Variants in ST3GAL4 observed in about 807,000 individuals in gnomAD.
ST3GAL4 encodes the protein CMP-N-acetylneuraminate-beta-galactosamide-alpha-2,3-sialyltransferase 4.
ST3GAL4 carries 24 observed loss-of-function variants against 42.6 expected under a neutral mutation model. The ratio of observed to expected loss-of-function variants is 0.56; its 90% CI spans 0.41 to 0.79. ST3GAL4 has a LOEUF of 0.79. Ranked by LOEUF, ST3GAL4 falls within the 30% of genes least tolerant of loss-of-function variation. ST3GAL4 has a pLI of 0.00. For synonymous variants in ST3GAL4, 135 were observed against 163.2 expected, an observed-to-expected ratio of 0.83 and a Z score of 1.32; for missense variants, 311 against 430.8, an observed-to-expected ratio of 0.72 and a Z score of 2.46.
Position 126,406,234 on chromosome 11 carries a change from G to A in ST3GAL4, c.16+63G>A. 6.4e-7 allele frequency: 1 copy of A among 1,551,694 alleles called. No individual in the cohort carries two copies. Among genetic ancestry groups the A allele is most frequent in the Non-Finnish European group, 8.7e-7 (1 of 1,147,798 alleles). On this transcript the variant is annotated intron_variant, in intron 2 of 10. Transcript: ENST00000444328. The surrounding 1 kb of genome is among the most constrained non-coding windows in gnomAD (Gnocchi z 5.4). ...AGGCCTCAGAAGCCGTCTTCAGCAG[G>A]ATCCTGGGACCTCTGGGGGCTGTGG...
Position 126,378,116 on chromosome 11 carries a change from T to C in ST3GAL4, c.-61+22274T>C, listed in dbSNP as rs1050364134. 2.6e-5 allele frequency among the ~76,000 whole-genome samples: 4 copies of C among 152,198 alleles called. No homozygotes were observed. Among genetic ancestry groups the C allele is most frequent in the Non-Finnish European group, 4.4e-5 (3 of 68,026 alleles). ...TGTATGGCAATTGAAGAGTCATATC[T>C]AGTCATTTTAGGTAGAAGATAGCCC... On this transcript the variant is annotated intron_variant, in intron 1 of 10. Coordinates refer to ENST00000444328, the MANE Select transcript of ST3GAL4 (RefSeq NM_001254757.2). The surrounding 1 kb of genome is among the most constrained non-coding windows in gnomAD (Gnocchi z 5.3).
Position 126,408,323 on chromosome 11 carries a change from G to T in ST3GAL4, c.454G>T (p.Val152Leu). 1 of 1,614,166 alleles carries T rather than the reference G, an allele frequency of 6.2e-7. No individual in the cohort carries two copies. Among genetic ancestry groups the T allele is most frequent in the Non-Finnish European group, 8.5e-7 (1 of 1,180,010 alleles). Residue 152 changes from valine (V) to leucine (L), a missense_variant, in exon 8 of 11, where the codon GTG becomes TTG. Coordinates refer to ENST00000444328, the MANE Select transcript of ST3GAL4 (RefSeq NM_001254757.2). ...AACCCCCAGATTGAACAATGCCCCA[G>T]TGGCTGGCTATGAGGGTGACGTGGG... ...DVVIRLNNAP[V>L]AGYEGDVGSK...
rs1954447973 is a variant in ST3GAL4 at position 126,410,010 on chromosome 11, C to A, written c.771+599C>A. ...CTCAAACTTCCAGGCTCAGGTGATC[C>A]TTCTGCCTCAGCCTCCTGAGTAGCT... On this transcript the variant is annotated intron_variant, in intron 9 of 10. Transcript: ENST00000444328. The surrounding 1 kb of genome is among the most constrained non-coding windows in gnomAD (Gnocchi z 5.3). Among the ~76,000 whole-genome samples the A allele has an allele frequency of 6.6e-6, 1 of 152,164 alleles. No individual in the cohort carries two copies. Among genetic ancestry groups the A allele is most frequent in the African/African-American group, 2.4e-5 (1 of 41,420 alleles).
intron 1 of ST3GAL4, among the ~76,000 whole-genome samples, chr11:126,369,632 G>T (rs1461916055): frequency 6.6e-6 from 1 of 152,114 alleles, no homozygotes; most frequent in African/African-American, 2.4e-5. Context: ...AGTGATGGTT[G>T]GTCCAGAATT....
Position 126,366,650 on chromosome 11 carries a change from ATGAGACTTCAGGTG to A in ST3GAL4, c.-61+10811_-61+10824del, listed in dbSNP as rs1281719893. Among the ~76,000 whole-genome samples the A allele has an allele frequency of 8.6e-5, 13 of 152,002 alleles. No individual in the cohort carries two copies. The highest frequency in any genetic ancestry group is 1.9e-4 in the Non-Finnish European group (13 of 68,008). On this transcript the variant is annotated intron_variant, in intron 1 of 10. Transcript: ENST00000444328. The surrounding 1 kb of genome is among the most constrained non-coding windows in gnomAD (Gnocchi z 4.2). ...GCCCCTTTAACCCTGCTGGCTCCTA[ATGAGACTTCAGGTG>A]TGGACCCTCGAACCCTCAGCTGCAC...
Position 126,413,991 on chromosome 11 carries a change from C to G in ST3GAL4, c.946C>G (p.Leu316Val). The G allele has an allele frequency of 6.2e-7, 1 of 1,614,252 alleles. No homozygotes were observed. The highest frequency in any genetic ancestry group is 1.1e-5 in the South Asian group (1 of 91,092). Reference sequence around the variant, plus strand: ...AGGCCATAATGTCTCCCAAGAGGCCCTGGCCATTAAGCGGATGCTGGAGAT... The same window carrying G: ...AGGCCATAATGTCTCCCAAGAGGCCGTGGCCATTAAGCGGATGCTGGAGAT... ...GSGHNVSQEALAIKRMLEMGA... is the reference protein window; with the variant it reads ...GSGHNVSQEAVAIKRMLEMGA... The change falls in exon 11 of 11, where the codon CTG (leucine) becomes GTG (valine). Residue 316 changes from leucine to valine, a missense_variant. Transcript: ENST00000444328.
At chr11:126,407,683 C>G in intron 6 of ST3GAL4, 49 bp downstream of exon 6, 1 of 1,587,590 alleles carries the variant, frequency 6.3e-7, no homozygotes, top group Non-Finnish European at 8.6e-7. Context: ...CTATTTCCTG[C>G]CCCCTGCCCG....
intron 1 of ST3GAL4, among the ~76,000 whole-genome samples, chr11:126,385,964 T>C (rs1256463377): frequency 1.3e-5 from 2 of 152,308 alleles, no homozygotes; most frequent in South Asian, 4.1e-4. Flanking sequence ...CTATACCACG[T>C]GTCCCCGTGG....
In ST3GAL4 at chr11:126,384,685, C is replaced by T. The variant is rs541296651; in HGVS notation, c.-60-21411C>T. 1 of 985,248 alleles carries T rather than the reference C, an allele frequency of 1.0e-6. No homozygotes were observed. The highest frequency in any genetic ancestry group is 1.1e-4 in the East Asian group (1 of 8,796). 61.0% of individuals were successfully genotyped at this position (985,248 alleles called of 1,614,324 possible). A position where few individuals can be genotyped will look rare whatever the true frequency, so the allele number is the denominator to read the frequency against. On this transcript the variant is annotated intron_variant, in intron 1 of 10. Coordinates refer to ENST00000444328, the MANE Select transcript of ST3GAL4 (RefSeq NM_001254757.2). This position sits in a 1 kb window ranked among gnomAD's most constrained non-coding sequence, Gnocchi z 5.5. ...AGATGGAGAGCCACCTCCCTAGGGGCCTCCTCCCCCTCCCCTTCTGCATGC... is the reference window on the plus strand; with the variant it reads ...AGATGGAGAGCCACCTCCCTAGGGGTCTCCTCCCCCTCCCCTTCTGCATGC...
chr11:126,387,352 T>A (rs888341755), intron 1 of ST3GAL4, among the ~76,000 whole-genome samples: 1 of 152,132 alleles, frequency 6.6e-6, no homozygotes, highest in African/African-American at 2.4e-5. Context: ...AATCAAATTT[T>A]ATTTGAAAGG....
Position 126,359,785 on chromosome 11 carries a change from C to T in ST3GAL4, c.-61+3943C>T, listed in dbSNP as rs979934358. On this transcript the variant is annotated intron_variant, in intron 1 of 10. Coordinates refer to ENST00000444328, the MANE Select transcript of ST3GAL4 (RefSeq NM_001254757.2). This position sits in a 1 kb window ranked among gnomAD's most constrained non-coding sequence, Gnocchi z 4.8. Reference sequence around the variant, plus strand: ...CTTCCCCGTGGGCCCTCCCAGCCTCCCCAGCCCCCACCTCTGCTGCTTTCC... The same window carrying T: ...CTTCCCCGTGGGCCCTCCCAGCCTCTCCAGCCCCCACCTCTGCTGCTTTCC... 1.3e-5 allele frequency among the ~76,000 whole-genome samples: 2 copies of T among 148,878 alleles called. No individual in the cohort carries two copies. Among genetic ancestry groups the T allele is most frequent in the African/African-American group, 5.2e-5 (2 of 38,404 alleles).
At chr11:126,374,380 A>T (rs1952757705) in intron 1 of ST3GAL4, among the ~76,000 whole-genome samples, 1 of 136,334 alleles carries the variant, frequency 7.3e-6, no homozygotes, top group African/African-American at 2.8e-5. Flanking sequence ...TGAACCCGGG[A>T]GGTGGAGGTT....
At chr11:126,377,430 C>G (rs1334653288) in intron 1 of ST3GAL4, among the ~76,000 whole-genome samples, 1 of 150,972 alleles carries the variant, frequency 6.6e-6, no homozygotes, top group African/African-American at 2.4e-5. Flanking sequence ...CTCAGCCTCC[C>G]AAAGTGCTGG....
At chr11:126,387,400 AG>A (rs1442233251) in intron 1 of ST3GAL4, among the ~76,000 whole-genome samples, 1 of 152,138 alleles carries the variant, frequency 6.6e-6, no homozygotes, top group Non-Finnish European at 1.5e-5. Flanking sequence ...TAAGCAGGCC[AG>A]GTGTGGTGGC....
chr11:126,401,347 C>T lies in ST3GAL4; in HGVS notation c.-60-4749C>T, dbSNP rs1325971437. ...CTTTGGGAGGCTGAGGTGGGCGGAT[C>T]GCTTGAGGTCAGGAGTTTGAAACCA... On this transcript the variant is annotated intron_variant, in intron 1 of 10. Coordinates refer to ENST00000444328, the MANE Select transcript of ST3GAL4 (RefSeq NM_001254757.2). Among the ~76,000 whole-genome samples, 5 of 151,586 alleles carry T rather than the reference C, an allele frequency of 3.3e-5. 1 individual carries two copies. In the South Asian group the frequency reaches 6.3e-4, roughly 19 times the overall value.
chr11:126,407,547 A>C (rs750338043), intron 5 of ST3GAL4, 27 bp from the exon 6 acceptor site: 2 of 1,613,916 alleles, frequency 1.2e-6, no homozygotes, highest in East Asian at 4.5e-5. Context: ...CTGTCACATC[A>C]GTCCCTCCGC....
intron 1 of ST3GAL4, among the ~76,000 whole-genome samples, chr11:126,401,456 A>C (rs1953986617): frequency 6.6e-6 from 1 of 151,866 alleles, no homozygotes; most frequent in African/African-American, 2.4e-5. Flanking sequence ...TATCCCAGCT[A>C]CTAGGGAGGC....
chr11:126,371,067 T>C (rs887955912), intron 1 of ST3GAL4, among the ~76,000 whole-genome samples: 8 of 151,980 alleles, frequency 5.3e-5, no homozygotes, highest in African/African-American at 1.9e-4. Context: ...GTGAACCTTA[T>C]CCCATATTAG....
chr11:126,376,417 A>G lies in ST3GAL4; in HGVS notation c.-61+20575A>G, dbSNP rs1952835497. ...TTTGGAGAGTGAATGTAAAAGCAAAATGAAGAATTTATTTGATTTAATTGG... is the reference window on the plus strand; with the variant it reads ...TTTGGAGAGTGAATGTAAAAGCAAAGTGAAGAATTTATTTGATTTAATTGG... On this transcript the variant is annotated intron_variant, in intron 1 of 10. Transcript: ENST00000444328. The surrounding 1 kb of genome is among the most constrained non-coding windows in gnomAD (Gnocchi z 5.1). Among the ~76,000 whole-genome samples the G allele has an allele frequency of 6.6e-6, 1 of 152,208 alleles. No individual in the cohort carries two copies. The highest frequency in any genetic ancestry group is 2.4e-5 in the African/African-American group (1 of 41,450).
Sources: allele counts gnomAD v4.1 joint callset (sites outside exome capture counted in the v4.1 genomes callset), GRCh38; gene constraint gnomAD v4.1.1; non-coding constraint Gnocchi (gnomAD v3.1); transcripts MANE v1.5; gene names NCBI Gene and HGNC (gene_info 2026-07-23, HGNC 2026-07-21).